The following PHLPP2 variants were observed in gnomAD, a reference collection of about 807,000 sequenced individuals.
PHLPP2 encodes the protein PH domain leucine-rich repeat-containing protein phosphatase 2.
A neutral mutation model predicts 124.9 loss-of-function variants in PHLPP2; 66 were observed. The observed-to-expected ratio is 0.53, with a 90% CI of 0.43 to 0.65. The LOEUF (loss-of-function observed/expected upper bound fraction) is 0.65, where lower values mean the gene tolerates loss of function less well. Among genes scored for constraint, PHLPP2 ranks in the 30% least tolerant of loss-of-function variants. The probability of loss-of-function intolerance (pLI) is 0.00; values close to 1 mark genes in which losing one functional copy is unlikely to be tolerated. For synonymous variants in PHLPP2, 681 were observed against 624.7 expected, an observed-to-expected ratio of 1.09 and a Z score of -1.34; for missense variants, 1,685 against 1,600.4, an observed-to-expected ratio of 1.05 and a Z score of -0.90.
chr16:71,701,956 T>C (rs1239703817), intron 3 of PHLPP2, among the ~76,000 whole-genome samples: 3 of 152,166 alleles, frequency 2.0e-5, no homozygotes, highest in Non-Finnish European at 4.4e-5. Context: ...TATCTGCAAT[T>C]TCAGTCATCC....
intron 12 of PHLPP2, 122 bp downstream of exon 12, chr16:71,667,056 A>C: frequency 1.3e-6 from 1 of 742,736 alleles, no homozygotes; most frequent in Non-Finnish European, 2.1e-6. Flanking sequence ...GTCTCCACTC[A>C]TAGTTGGACT....
intron 5 of PHLPP2, among the ~76,000 whole-genome samples, chr16:71,683,425 T>C (rs1179075596): frequency 1.3e-5 from 2 of 152,168 alleles, no homozygotes; most frequent in Non-Finnish European, 2.9e-5. Context: ...TTTGAAGTAA[T>C]TCACCAAGGC....
chr16:71,690,407 G>T, intron 4 of PHLPP2, 112 bp downstream of exon 4: 1 of 738,728 alleles, frequency 1.4e-6, no homozygotes, highest in Non-Finnish European at 2.3e-6. Context: ...CTTTAATAAT[G>T]CCCATACTGG....
chr16:71,709,157 T>A (rs1008067805), intron 2 of PHLPP2, among the ~76,000 whole-genome samples: 3 of 152,146 alleles, frequency 2.0e-5, no homozygotes, highest in Non-Finnish European at 4.4e-5. Flanking sequence ...AATTTTTAAA[T>A]AGCACAAAAA....
intron 10 of PHLPP2, 98 bp from the exon 11 acceptor site, chr16:71,669,468 T>C: frequency 8.4e-6 from 7 of 834,132 alleles, no homozygotes; most frequent in Non-Finnish European, 1.4e-5. Context: ...TGTGAGCCCT[T>C]GAGGGCAGGA....
rs557173248 is a variant in PHLPP2, at chr16:71,700,688, G to A, written c.418+1910C>T. Among the ~76,000 whole-genome samples the A allele has an allele frequency of 1.1e-4, 16 of 152,008 alleles. No individual in the cohort carries two copies. The South Asian group carries it at 3.1e-3, about 30-fold the overall frequency. The stretch of plus-strand genomic sequence containing the variant: ...CTATAGGTGCCCGCCACCAGGCCCA[G>A]CTAATTTTTTGTATTTTTAGTAGAG... On this transcript the variant is annotated intron_variant, in intron 3 of 18. Transcript: ENST00000568954.
Position 71,690,501 on chromosome 16 carries a change from C to A in PHLPP2, c.609+18G>T. ...TAAGATGATCAAATGAAAAATAATT[C>A]ATCTTTGTGAGTCTTACCTTTCCAC... On this transcript the variant is annotated intron_variant, in intron 4 of 18. Transcript: ENST00000568954. The A allele has an allele frequency of 6.6e-7, 1 of 1,508,590 alleles. No homozygotes were observed. The highest frequency in any genetic ancestry group is 1.2e-5 in the South Asian group (1 of 84,236). 93.5% of individuals were successfully genotyped at this position (1,508,590 alleles called of 1,614,324 possible). A position where few individuals can be genotyped will look rare whatever the true frequency, so the allele number is the denominator to read the frequency against.
chr16:71,702,195 T>C lies in PHLPP2; in HGVS notation c.418+403A>G, dbSNP rs79558878. 1.3e-3 allele frequency among the ~76,000 whole-genome samples: 194 copies of C among 152,288 alleles called. 3 individuals are homozygous for C. In the East Asian group the frequency reaches 0.033, roughly 26 times the overall value. On this transcript the variant is annotated intron_variant, in intron 3 of 18. Coordinates refer to ENST00000568954, the MANE Select transcript of PHLPP2 (RefSeq NM_015020.3). ...CCACTAAATTCACCAATATACAAAT[T>C]TGACAGGTATACTCATCAACGTCAA...
chr16:71,664,210 T>C (rs2044818755), intron 12 of PHLPP2, 111 bp from the exon 13 acceptor site: 4 of 734,254 alleles, frequency 5.4e-6, no homozygotes, highest in Non-Finnish European at 9.1e-6. Context: ...AGCTTCCAAA[T>C]GGGAAAAAAA....
rs765527119 is a variant in PHLPP2, at chr16:71,649,576, T to C, written c.3286A>G (p.Thr1096Ala). ...TSEVSSEVGS[T>A]ASDEHNAGGL... is the part of the protein sequence containing the mutation. ...CCAGCATTATGCTCATCAGAAGCAGTGGACCCCACTTCACTGCTCACCTCT... is the reference window on the plus strand; with the variant it reads ...CCAGCATTATGCTCATCAGAAGCAGCGGACCCCACTTCACTGCTCACCTCT... The change falls in exon 19 of 19, where the codon ACT becomes GCT. Residue 1096 changes from threonine (T) to alanine (A), a missense_variant. Thr to Ala is a moderately conservative substitution (Grantham distance 58). Coordinates refer to ENST00000568954, the MANE Select transcript of PHLPP2 (RefSeq NM_015020.3). The C allele has an allele frequency of 6.2e-7, 1 of 1,614,182 alleles. No individual in the cohort carries two copies. Among genetic ancestry groups the C allele is most frequent in the Non-Finnish European group, 8.5e-7 (1 of 1,180,034 alleles).
At chr16:71,676,747 T>A in intron 8 of PHLPP2, 98 bp from the exon 9 acceptor site, 1 of 871,628 alleles carries the variant, frequency 1.1e-6, no homozygotes, top group Non-Finnish European at 1.8e-6. Context: ...GATCCCTTTC[T>A]CTGTTTACTT....
At chr16:71,686,874 A>T (rs2045059648) in intron 4 of PHLPP2, among the ~76,000 whole-genome samples, 1 of 151,790 alleles carries the variant, frequency 6.6e-6, no homozygotes, top group Non-Finnish European at 1.5e-5. Context: ...GTTTTTAGCC[A>T]TTATGAATAA....
chr16:71,713,841 C>T (rs1392053094), intron 2 of PHLPP2, among the ~76,000 whole-genome samples: 1 of 151,640 alleles, frequency 6.6e-6, no homozygotes, highest in East Asian at 1.9e-4. Context: ...CAAGAACAGG[C>T]CTGGGTAGTT....
chr16:71,661,205 T>A (rs1359575589), intron 13 of PHLPP2, among the ~76,000 whole-genome samples: 1 of 151,922 alleles, frequency 6.6e-6, no homozygotes, highest in Admixed American at 6.6e-5. Context: ...TAGCTGGGAT[T>A]ACAGGCAGGC....
At chr16:71,679,581 T>C in intron 6 of PHLPP2, 46 bp from the exon 7 acceptor site, 1 of 1,518,234 alleles carries the variant, frequency 6.6e-7, no homozygotes, top group Non-Finnish European at 9.1e-7. Context: ...AATACATCTA[T>C]TACTGTATCT....
At chr16:71,685,002 G>A (rs2045040306) in intron 4 of PHLPP2, among the ~76,000 whole-genome samples, 1 of 152,144 alleles carries the variant, frequency 6.6e-6, no homozygotes, top group Non-Finnish European at 1.5e-5. Context: ...TTGGAGCGGT[G>A]GCAGGAATTC....
chr16:71,680,542 G>A (rs1169720952), intron 6 of PHLPP2, among the ~76,000 whole-genome samples: 1 of 152,190 alleles, frequency 6.6e-6, no homozygotes, highest in Admixed American at 6.5e-5. Flanking sequence ...TAATTAAGAT[G>A]TTAAAGGTTT....
chr16:71,705,989 T>C (rs1471309305), intron 2 of PHLPP2, among the ~76,000 whole-genome samples: 2 of 152,242 alleles, frequency 1.3e-5, no homozygotes, highest in Non-Finnish European at 2.9e-5. Context: ...TACAGTTCAA[T>C]TTTGTGTTTC....
chr16:71,714,237 G>T (rs1280992139), intron 2 of PHLPP2, among the ~76,000 whole-genome samples: 4 of 152,016 alleles, frequency 2.6e-5, no homozygotes, highest in Non-Finnish European at 5.9e-5. Flanking sequence ...ACTGTGCCCA[G>T]CCAAAAAAAT....
Sources: allele counts gnomAD v4.1 joint callset (sites outside exome capture counted in the v4.1 genomes callset), GRCh38; gene constraint gnomAD v4.1.1; transcripts MANE v1.5; gene names NCBI Gene and HGNC (gene_info 2026-07-23, HGNC 2026-07-21).